PRKG1: variants seen among roughly 807,000 people sequenced by gnomAD.
PRKG1 encodes the protein protein kinase cGMP-dependent 1, also known as cGMP-dependent protein kinase 1.
PRKG1 carries 35 observed loss-of-function variants against 88.1 expected under a neutral mutation model. That is an observed-to-expected ratio of 0.40 (90% CI 0.30 to 0.53). PRKG1 has a LOEUF of 0.53. PRKG1 is among the 20% of genes least tolerant of loss of function. The pLI is 0.59. For synonymous variants in PRKG1, 303 were observed against 292.5 expected, an observed-to-expected ratio of 1.04 and a Z score of -0.37; for missense variants, 540 against 839.8, an observed-to-expected ratio of 0.64 and a Z score of 4.41.
At chr10:51,641,343 A>G (rs1196466457) in intron 3 of PRKG1, among the ~76,000 whole-genome samples, 8 of 152,060 alleles carry the variant, frequency 5.3e-5, no homozygotes, top group Admixed American at 4.6e-4. Context: ...CATTGAGGGG[A>G]CTAGTGGGCT....
At chr10:51,705,779 G>A (rs1841590674) in intron 3 of PRKG1, among the ~76,000 whole-genome samples, 1 of 152,204 alleles carries the variant, frequency 6.6e-6, no homozygotes, top group African/African-American at 2.4e-5. Flanking sequence ...TCAACTAGCA[G>A]AACGAGGATT....
At chr10:51,388,233 A>T (rs1837301436) in intron 2 of PRKG1, among the ~76,000 whole-genome samples, 1 of 152,178 alleles carries the variant, frequency 6.6e-6, no homozygotes, top group Admixed American at 6.5e-5. Context: ...AGTGTTCCCT[A>T]TAGCCATCAC....
chr10:51,288,257 G>T (rs1448547631), intron 2 of PRKG1, among the ~76,000 whole-genome samples: 1 of 152,054 alleles, frequency 6.6e-6, no homozygotes, highest in African/African-American at 2.4e-5. Flanking sequence ...GTCACATGGA[G>T]AGGCTAAAAT....
chr10:51,616,625 T>C (rs1261878513), intron 3 of PRKG1, among the ~76,000 whole-genome samples: 1 of 151,918 alleles, frequency 6.6e-6, no homozygotes, highest in Non-Finnish European at 1.5e-5. Context: ...TATTCTGGCA[T>C]AAGGAAAGGG....
intron 7 of PRKG1, among the ~76,000 whole-genome samples, chr10:52,115,511 T>G (rs113643119): frequency 2.5e-4 from 38 of 152,256 alleles, no homozygotes; most frequent in African/African-American, 7.5e-4. Context: ...CATCTCACTT[T>G]CTCTGTTGAT....
At chr10:51,286,095 C>T (rs1051834939) in intron 2 of PRKG1, among the ~76,000 whole-genome samples, 17 of 152,086 alleles carry the variant, frequency 1.1e-4, no homozygotes, top group Admixed American at 7.2e-4. Context: ...CTCAGCCACC[C>T]GAGTAGCTGG....
In PRKG1 at chr10:52,289,313, A is replaced by G. The variant is rs557518142; in HGVS notation, c.1895+320A>G. On this transcript the variant is annotated intron_variant, in intron 16 of 17. Transcript: ENST00000373980. The stretch of plus-strand genomic sequence containing the variant: ...TATTCTCTACCACAGAATTACAAAT[A>G]AAAGTCCCCTACTGTATCTTACCTG... Among the ~76,000 whole-genome samples, 14 of 152,274 alleles carry G rather than the reference A, an allele frequency of 9.2e-5. No homozygotes were observed. The South Asian group carries it at 2.9e-3, about 32-fold the overall frequency.
chr10:51,975,226 C>T (rs1409673398), intron 5 of PRKG1, among the ~76,000 whole-genome samples: 1 of 152,016 alleles, frequency 6.6e-6, no homozygotes, highest in Non-Finnish European at 1.5e-5. Flanking sequence ...TGCCCAGGGA[C>T]ATACAGATAG....
chr10:51,295,974 G>A (rs538381862), intron 2 of PRKG1, among the ~76,000 whole-genome samples: 3 of 151,998 alleles, frequency 2.0e-5, no homozygotes, highest in Non-Finnish European at 4.4e-5. Flanking sequence ...GGTGTATCAC[G>A]TTGATTGATT....
intron 9 of PRKG1, among the ~76,000 whole-genome samples, chr10:52,249,319 G>T (rs1377813547): frequency 6.6e-6 from 1 of 151,348 alleles, no homozygotes; most frequent in Non-Finnish European, 1.5e-5. Flanking sequence ...GTGACTTATG[G>T]AACTTCCTGA....
chr10:51,084,776 G>A (rs1040336394), intron 1 of PRKG1, among the ~76,000 whole-genome samples: 11 of 152,118 alleles, frequency 7.2e-5, no homozygotes, highest in African/African-American at 2.7e-4. Context: ...TTGAACATGA[G>A]GTAATTATAG....
intron 3 of PRKG1, among the ~76,000 whole-genome samples, chr10:51,552,979 T>C (rs772940067): frequency 4.0e-5 from 6 of 151,650 alleles, no homozygotes; most frequent in South Asian, 2.1e-4. Flanking sequence ...AAAAAAATTA[T>C]GGATCCAAAA....
intron 7 of PRKG1, among the ~76,000 whole-genome samples, chr10:52,086,405 T>TG (rs1161929770): frequency 1.2e-5 from 1 of 86,078 alleles, no homozygotes; most frequent in East Asian, 3.9e-4. Context: ...TTTATAGGTA[T>TG]GATTTTTTTT....
At chr10:52,131,363 A>C (rs867552858) in intron 7 of PRKG1, among the ~76,000 whole-genome samples, 9 of 152,156 alleles carry the variant, frequency 5.9e-5, no homozygotes, top group Non-Finnish European at 8.8e-5. Flanking sequence ...AGAGGTATGT[A>C]GGGCTACGAG....
chr10:51,254,299 C>T (rs889252177), intron 2 of PRKG1, among the ~76,000 whole-genome samples: 7 of 151,872 alleles, frequency 4.6e-5, no homozygotes, highest in Non-Finnish European at 7.4e-5. Context: ...TTTCATGTCT[C>T]GCTCATATTG....
At chr10:52,015,095 A>G (rs1903978) in intron 5 of PRKG1, among the ~76,000 whole-genome samples, 52,578 of 152,098 alleles carry the variant, frequency 0.35, 9,685 homozygotes, top group Admixed American at 0.4. Context: ...GCAGTGCCCC[A>G]ATGGGGACTC....
intron 2 of PRKG1, among the ~76,000 whole-genome samples, chr10:51,245,294 G>A (rs1370527521): frequency 3.3e-5 from 5 of 151,942 alleles, no homozygotes; most frequent in Admixed American, 6.6e-5. Context: ...CAACATCTGG[G>A]TCCCTGTTAT....
intron 2 of PRKG1, among the ~76,000 whole-genome samples, chr10:51,410,173 C>T (rs968910299): frequency 6.6e-6 from 1 of 150,482 alleles, no homozygotes; most frequent in Non-Finnish European, 1.5e-5. Flanking sequence ...GATATATATA[C>T]TATATATACT....
At chr10:52,280,399 T>TA (rs1841977844) in intron 12 of PRKG1, among the ~76,000 whole-genome samples, 1 of 152,184 alleles carries the variant, frequency 6.6e-6, no homozygotes, top group Admixed American at 6.6e-5. Flanking sequence ...ACTTCTCCTT[T>TA]AAAAAACAAA....
Sources: allele counts gnomAD v4.1 joint callset (sites outside exome capture counted in the v4.1 genomes callset), GRCh38; gene constraint gnomAD v4.1.1; transcripts MANE v1.5; gene names NCBI Gene and HGNC (gene_info 2026-07-23, HGNC 2026-07-21).